Variants in CGNL1 observed in about 807,000 individuals in gnomAD.
CGNL1 encodes the protein cingulin-like protein 1.
In CGNL1, 132 loss-of-function variants were observed where a neutral mutation model predicts 141.2. That is an observed-to-expected ratio of 0.93 (90% confidence interval 0.81 to 1.08). The LOEUF (loss-of-function observed/expected upper bound fraction) is 1.08. Ranked by LOEUF, CGNL1 falls within the 50% of genes least tolerant of loss-of-function variation. The probability of loss-of-function intolerance (pLI) is 0.00; values close to 1 mark genes in which losing one functional copy is unlikely to be tolerated. For missense variants in CGNL1, 1,870 were observed against 1,588.6 expected (o/e 1.18, Z -3.01); for synonymous variants, 690 against 622.1 (o/e 1.11, Z -1.63).
intron 4 of CGNL1, among the ~76,000 whole-genome samples, chr15:57,450,204 C>G (rs2063305198): frequency 1.3e-5 from 2 of 152,174 alleles, no homozygotes; most frequent in African/African-American, 4.8e-5. Flanking sequence ...ACTCCACATC[C>G]TTGCCACCAT....
chr15:57,400,111 A>G (rs1406272195), intron 1 of CGNL1, among the ~76,000 whole-genome samples: 1 of 151,648 alleles, frequency 6.6e-6, no homozygotes, highest in Non-Finnish European at 1.5e-5. Context: ...TTCCTACCTA[A>G]GCCTCTCGAG....
intron 1 of CGNL1, among the ~76,000 whole-genome samples, chr15:57,426,682 C>T (rs1343612111): frequency 6.7e-6 from 1 of 148,750 alleles, no homozygotes; most frequent in Non-Finnish European, 1.5e-5. Context: ...TGGTCTTGAA[C>T]TCCTGGGGTA....
intron 16 of CGNL1, 105 bp downstream of exon 16, chr15:57,544,702 T>C: frequency 4.5e-6 from 6 of 1,343,880 alleles, no homozygotes; most frequent in Non-Finnish European, 6.1e-6. Context: ...TCGTAGCCTG[T>C]GAGGAAGGCA....
At chr15:57,418,919 T>C (rs2062881532) in intron 1 of CGNL1, among the ~76,000 whole-genome samples, 2 of 126,160 alleles carry the variant, frequency 1.6e-5, no homozygotes, top group African/African-American at 2.9e-5. Context: ...TCAGTGGGTT[T>C]CACTGCCTGG....
intron 8 of CGNL1, among the ~76,000 whole-genome samples, chr15:57,462,533 A>G (rs1268615782): frequency 6.6e-6 from 1 of 152,194 alleles, no homozygotes. Context: ...GAAGGGGAAA[A>G]TGGTTTGAAA....
At chr15:57,546,477 TATC>T (rs2032875210) in intron 18 of CGNL1, among the ~76,000 whole-genome samples, 1 of 152,174 alleles carries the variant, frequency 6.6e-6, no homozygotes, top group Non-Finnish European at 1.5e-5. Context: ...GCTGGGTAGA[TATC>T]ATCCCTGTTG....
rs187336316 is a variant in CGNL1 at position 57,509,350 on chromosome 15, A to G, written c.2404-7430A>G. Among the ~76,000 whole-genome samples the G allele has an allele frequency of 1.7e-3, 261 of 152,342 alleles. 2 individuals carry two copies. The highest frequency in any genetic ancestry group is 3.5e-3 in the South Asian group (17 of 4,832). On this transcript the variant is annotated intron_variant, in intron 8 of 18. Transcript: ENST00000281282. ...TCATTCAGCAAAAAAGAGAGACAGA[A>G]AGGAAACAAAAGCCGGCTGTGGCAG...
chr15:57,529,904 T>C (rs2031857326), intron 13 of CGNL1, among the ~76,000 whole-genome samples: 1 of 152,256 alleles, frequency 6.6e-6, no homozygotes, highest in Non-Finnish European at 1.5e-5. Context: ...TTTTAGAGAC[T>C]AGAATAACCT....
At chr15:57,474,528 G>A (rs755070171) in intron 8 of CGNL1, among the ~76,000 whole-genome samples, 6 of 152,140 alleles carry the variant, frequency 3.9e-5, no homozygotes, top group Non-Finnish European at 7.3e-5. Flanking sequence ...TGTATTTGCT[G>A]TATGAGTGAA....
At chr15:57,522,154 C>T (rs144796024) in intron 10 of CGNL1, among the ~76,000 whole-genome samples, 37 of 152,294 alleles carry the variant, frequency 2.4e-4, no homozygotes, top group Admixed American at 1.2e-3. Context: ...TTTCTTTTTG[C>T]CACCATCTTT....
chr15:57,436,760 C>T (rs1003548872), intron 1 of CGNL1, among the ~76,000 whole-genome samples: 3 of 151,946 alleles, frequency 2.0e-5, no homozygotes, highest in African/African-American at 4.8e-5. Flanking sequence ...CTTGATAAAT[C>T]CAGGAGCTAG....
At chr15:57,546,323 G>A in intron 18 of CGNL1, 84 bp downstream of exon 18, 2 of 1,418,242 alleles carry the variant, frequency 1.4e-6, no homozygotes, top group Non-Finnish European at 1.9e-6. Flanking sequence ...TCACACTCCT[G>A]TTGTCTCAAG....
intron 8 of CGNL1, among the ~76,000 whole-genome samples, chr15:57,513,119 G>A (rs187070002): frequency 2.6e-5 from 4 of 151,920 alleles, no homozygotes; most frequent in Admixed American, 1.3e-4. Context: ...AAATTCCATC[G>A]CCATTAGCAG....
At position 57,432,799 on chromosome 15, in the gene CGNL1, T is replaced by C. The variant is rs116472930; in HGVS notation, c.-15-5186T>C. 5.4e-3 allele frequency among the ~76,000 whole-genome samples: 828 copies of C among 152,344 alleles called. 6 individuals are homozygous for C. The highest frequency in any genetic ancestry group is 0.019 in the African/African-American group (772 of 41,578). On this transcript the variant is annotated intron_variant, in intron 1 of 18. Coordinates refer to ENST00000281282, the MANE Select transcript of CGNL1 (RefSeq NM_032866.5). ...TGAGAAATGTTGTTCCATGAAATTA[T>C]TGGATTGAGGTTTGTTGTCAAGGAA... is the stretch of plus-strand genomic sequence containing the variant.
At chr15:57,422,956 G>C (rs573439627) in intron 1 of CGNL1, among the ~76,000 whole-genome samples, 2 of 152,254 alleles carry the variant, frequency 1.3e-5, no homozygotes, top group South Asian at 4.2e-4. Context: ...CCTTGAGAAT[G>C]TGATTTTATG....
At chr15:57,432,948 G>A (rs79118163) in intron 1 of CGNL1, among the ~76,000 whole-genome samples, 11 of 152,200 alleles carry the variant, frequency 7.2e-5, no homozygotes, top group Admixed American at 7.2e-4. Flanking sequence ...GTTGACTGTA[G>A]TAGGAATAGC....
chr15:57,406,772 T>C (rs1177089916), intron 1 of CGNL1, among the ~76,000 whole-genome samples: 1 of 152,094 alleles, frequency 6.6e-6, no homozygotes, highest in South Asian at 2.1e-4. Flanking sequence ...TTGTAGTGAG[T>C]GTACTGAATT....
chr15:57,473,129 G>A (rs1342682203), intron 8 of CGNL1, among the ~76,000 whole-genome samples: 4 of 152,066 alleles, frequency 2.6e-5, no homozygotes, highest in Non-Finnish European at 4.4e-5. Context: ...CAGTGAGTGG[G>A]GCTATTATAA....
rs926019089 is a variant in CGNL1, at chr15:57,548,687, C to T, written c.*1197C>T. 2 of 151,954 alleles carry T rather than the reference C, an allele frequency of 1.3e-5. No individual in the cohort carries two copies. The highest frequency in any genetic ancestry group is 6.6e-5 in the Admixed American group (1 of 15,248). The allele number at this position is 151,954 out of a possible 1,614,324, so 9.4% of individuals were successfully genotyped here. A position where few individuals can be genotyped will look rare whatever the true frequency, so the allele number is the denominator to read the frequency against. Reference sequence around the variant, plus strand: ...AGGTAAGGCCTTAAACAAATGAGGCCGTTTCTGGAAGGATAGGGCTGTGTG... The same window carrying T: ...AGGTAAGGCCTTAAACAAATGAGGCTGTTTCTGGAAGGATAGGGCTGTGTG... On this transcript the variant is annotated 3_prime_UTR_variant, in exon 19 of 19. Coordinates refer to ENST00000281282, the MANE Select transcript of CGNL1 (RefSeq NM_032866.5).
Sources: gnomAD v4.1 joint callset for allele counts (sites outside exome capture counted in the v4.1 genomes callset) on GRCh38, gnomAD v4.1.1 for gene constraint, MANE v1.5 for transcripts, NCBI Gene and HGNC (gene_info 2026-07-23, HGNC 2026-07-21) for gene names.